LRRIQ3: variants seen among roughly 807,000 people sequenced by gnomAD.
The protein encoded by LRRIQ3 is leucine-rich repeat and IQ domain-containing protein 3.
Under a neutral mutation model 59.3 loss-of-function variants are expected in LRRIQ3, and 75 were observed. The ratio of observed to expected loss-of-function variants is 1.26; its 90% CI spans 1.05 to 1.53. LRRIQ3 has a LOEUF of 1.53. Ranked by LOEUF, LRRIQ3 falls within the 40% of genes most tolerant of loss-of-function variation. The pLI is 0.00. For synonymous variants in LRRIQ3, 250 were observed against 231.3 expected, an observed-to-expected ratio of 1.08 and a Z score of -0.73; for missense variants, 831 against 710.0, an observed-to-expected ratio of 1.17 and a Z score of -1.94.
chr1:74,159,871 G>A (rs754808286), intron 3 of LRRIQ3, among the ~76,000 whole-genome samples: 8 of 151,844 alleles, frequency 5.3e-5, no homozygotes, highest in African/African-American at 9.7e-5. Flanking sequence ...ATTCTTCGTC[G>A]TGTCAACCAA....
In LRRIQ3 at chr1:74,121,404, C is replaced by T. The variant is rs572233953; in HGVS notation, c.708-11851G>A. On this transcript the variant is annotated intron_variant, in intron 4 of 7. Coordinates refer to ENST00000354431, the MANE Select transcript of LRRIQ3 (RefSeq NM_001105659.2). Reference sequence around the variant, plus strand: ...CCTGCCAAAAAGGTGCAGAGGATTACGGCTGCCCTAGGCTTGCGCTGACTG... The same window carrying T: ...CCTGCCAAAAAGGTGCAGAGGATTATGGCTGCCCTAGGCTTGCGCTGACTG... Among the ~76,000 whole-genome samples, 399 of 152,252 alleles carry T rather than the reference C, an allele frequency of 2.6e-3. 3 individuals are homozygous for T. Among genetic ancestry groups the T allele is most frequent in the African/African-American group, 8.8e-3 (366 of 41,578 alleles).
intron 3 of LRRIQ3, among the ~76,000 whole-genome samples, chr1:74,173,165 C>T (rs532111000): frequency 2.0e-5 from 3 of 151,862 alleles, no homozygotes; most frequent in East Asian, 1.9e-4. Context: ...GGCGTGGTAG[C>T]GGGCACCTAT....
At chr1:74,180,290 A>C (rs1207280071) in intron 3 of LRRIQ3, 1 of 154,406 alleles carries the variant, frequency 6.5e-6, no homozygotes, top group Non-Finnish European at 1.4e-5. Context: ...CCACAAAATG[A>C]GACAGTGCCC....
intron 6 of LRRIQ3, among the ~76,000 whole-genome samples, chr1:74,067,825 A>G (rs183430321): frequency 2.0e-4 from 30 of 152,186 alleles, no homozygotes; most frequent in African/African-American, 6.5e-4. Context: ...TGTTAAATTT[A>G]TTGTTTTACT....
intron 7 of LRRIQ3, among the ~76,000 whole-genome samples, chr1:74,030,439 C>G (rs888936456): frequency 1.3e-5 from 2 of 151,856 alleles, no homozygotes; most frequent in East Asian, 3.9e-4. Flanking sequence ...TAGAACAGAG[C>G]CCTCAGAAAT....
intron 4 of LRRIQ3, among the ~76,000 whole-genome samples, chr1:74,116,380 C>T (rs1646777015): frequency 6.6e-6 from 1 of 151,870 alleles, no homozygotes. Context: ...ATATAAGGGT[C>T]TATTAACAGT....
At position 74,038,619 on chromosome 1, in the gene LRRIQ3, T is replaced by C. The variant is rs537399049; in HGVS notation, c.1718+2594A>G. 1.1e-4 allele frequency among the ~76,000 whole-genome samples: 16 copies of C among 152,282 alleles called. No homozygotes were observed. In the East Asian group the frequency reaches 3.1e-3, roughly 29 times the overall value. ...TCCCAAAAGAAGAAGCAGGCACTCATCTCTGCTGTTCTCCAACCTCCTCAA... is the reference window on the plus strand; with the variant it reads ...TCCCAAAAGAAGAAGCAGGCACTCACCTCTGCTGTTCTCCAACCTCCTCAA... On this transcript the variant is annotated intron_variant, in intron 7 of 7. Transcript: ENST00000354431.
intron 4 of LRRIQ3, among the ~76,000 whole-genome samples, chr1:74,139,961 G>A (rs926265927): frequency 6.6e-6 from 1 of 151,626 alleles, no homozygotes; most frequent in Non-Finnish European, 1.5e-5. Flanking sequence ...AGTAGAGGGG[G>A]AAAACATACA....
At chr1:74,063,807 A>C (rs1654795771) in intron 6 of LRRIQ3, among the ~76,000 whole-genome samples, 1 of 151,882 alleles carries the variant, frequency 6.6e-6, no homozygotes, top group Non-Finnish European at 1.5e-5. Flanking sequence ...TGCTTTAAAA[A>C]GTATGTAGGT....
At chr1:74,107,046 T>A (rs936141502) in intron 5 of LRRIQ3, among the ~76,000 whole-genome samples, 4 of 152,030 alleles carry the variant, frequency 2.6e-5, no homozygotes, top group African/African-American at 9.7e-5. Flanking sequence ...TACAGTTAGT[T>A]CTTGCTCCAT....
intron 6 of LRRIQ3, among the ~76,000 whole-genome samples, chr1:74,051,003 A>G (rs1457782162): frequency 6.6e-6 from 1 of 152,192 alleles, no homozygotes; most frequent in African/African-American, 2.4e-5. Flanking sequence ...GAAACATCTT[A>G]CATCTCACAT....
intron 4 of LRRIQ3, among the ~76,000 whole-genome samples, chr1:74,132,405 A>G (rs1439754537): frequency 6.6e-6 from 1 of 152,160 alleles, no homozygotes; most frequent in South Asian, 2.1e-4. Flanking sequence ...CCGCATTGCC[A>G]AGTCAATGCT....
intron 3 of LRRIQ3, among the ~76,000 whole-genome samples, chr1:74,161,785 A>T (rs1570237753): frequency 6.6e-6 from 1 of 151,956 alleles, no homozygotes; most frequent in African/African-American, 2.4e-5. Context: ...TCCCTTCCAG[A>T]GAACAAGTAA....
At chr1:74,036,812 A>G (rs1434063837) in intron 7 of LRRIQ3, among the ~76,000 whole-genome samples, 1 of 152,194 alleles carries the variant, frequency 6.6e-6, no homozygotes, top group Admixed American at 6.5e-5. Flanking sequence ...AGAAGCACCA[A>G]TGATCACAGA....
rs776306495 is a variant in LRRIQ3, at chr1:74,155,833, T to C, written c.607A>G (p.Lys203Glu). ...TTYEEEINNI[K>E]HITSKINAIL... ...GCATTAATTTTTGAAGTAATATGTT[T>C]AATATTATTAATTTCCTCTTCATAG... is the stretch of plus-strand genomic sequence containing the variant. The change falls in exon 4 of 8, where the codon AAA becomes GAA. Residue 203 changes from lysine to glutamate, a missense_variant. Coordinates refer to ENST00000354431, the MANE Select transcript of LRRIQ3 (RefSeq NM_001105659.2). 4 of 1,541,194 alleles carry C rather than the reference T, an allele frequency of 2.6e-6. No individual in the cohort carries two copies. Among genetic ancestry groups the C allele is most frequent in the East Asian group, 4.7e-5 (2 of 42,556 alleles).
intron 4 of LRRIQ3, among the ~76,000 whole-genome samples, chr1:74,126,853 C>T (rs1646942719): frequency 6.6e-6 from 1 of 151,868 alleles, no homozygotes; most frequent in Non-Finnish European, 1.5e-5. Context: ...CTGTAAATAT[C>T]TATTAGGTCT....
intron 4 of LRRIQ3, among the ~76,000 whole-genome samples, chr1:74,140,443 AAAT>A (rs139064265): frequency 6.6e-6 from 1 of 151,818 alleles, no homozygotes; most frequent in Non-Finnish European, 1.5e-5. Flanking sequence ...AACTATAATG[AAAT>A]AATAATAATA....
chr1:74,059,522 C>T (rs1419234876), intron 6 of LRRIQ3, among the ~76,000 whole-genome samples: 2 of 152,050 alleles, frequency 1.3e-5, no homozygotes, highest in African/African-American at 2.4e-5. Flanking sequence ...ATTATCTTGG[C>T]ACACTTGTCA....
At position 74,155,789 on chromosome 1, in the gene LRRIQ3, T is replaced by C. The variant is rs1648285822; in HGVS notation, c.651A>G (p.Ser217=). 1 of 1,585,702 alleles carries C rather than the reference T, an allele frequency of 6.3e-7. No individual in the cohort carries two copies. The highest frequency in any genetic ancestry group is 8.6e-7 in the Non-Finnish European group (1 of 1,169,192). Residue 217 remains serine, a synonymous_variant, in exon 4 of 8, where the codon TCA becomes TCG. Transcript: ENST00000354431. ...SKINAILAHN[S]PVLIVQRWIR... Reference sequence around the variant, plus strand: ...TCCATCTTTGAACAATCAAAACTGGTGAATTATGAGCCAGAATTGCATTAA... The same window carrying C: ...TCCATCTTTGAACAATCAAAACTGGCGAATTATGAGCCAGAATTGCATTAA...
Sources: allele counts gnomAD v4.1 joint callset (sites outside exome capture counted in the v4.1 genomes callset), GRCh38; gene constraint gnomAD v4.1.1; transcripts MANE v1.5; gene names NCBI Gene and HGNC (gene_info 2026-07-23, HGNC 2026-07-21).